Variants in GTF2E1 observed in about 807,000 individuals in gnomAD.
GTF2E1 encodes general transcription factor IIE subunit 1.
In GTF2E1, 14 loss-of-function variants were observed where a neutral mutation model predicts 34.9. That is an observed-to-expected ratio of 0.40 (90% CI 0.27 to 0.63). The LOEUF (loss-of-function observed/expected upper bound fraction) is 0.63, where lower values mean the gene tolerates loss of function less well. Ranked by LOEUF, GTF2E1 falls within the 20% of genes least tolerant of loss-of-function variation. The probability of loss-of-function intolerance (pLI) is 0.39; values close to 1 mark genes in which losing one functional copy is unlikely to be tolerated. For synonymous variants in GTF2E1, 188 were observed against 192.9 expected (o/e 0.97, Z 0.21); for missense variants, 469 against 557.7 (o/e 0.84, Z 1.60).
chr3:120,775,469 T>C (rs990073847), intron 3 of GTF2E1, among the ~76,000 whole-genome samples: 2 of 152,010 alleles, frequency 1.3e-5, no homozygotes, highest in Non-Finnish European at 2.9e-5. Context: ...TACGTAGAAG[T>C]TGAAGTGGAA....
rs1176251926 is a variant in GTF2E1, at chr3:120,750,596, A to G, written c.44A>G (p.Lys15Arg). 5 of 1,613,656 alleles carry G rather than the reference A, an allele frequency of 3.1e-6. No homozygotes were observed. The highest frequency in any genetic ancestry group is 3.4e-6 in the Non-Finnish European group (4 of 1,179,744). The change falls in exon 2 of 5, where the codon AAG (lysine) becomes AGG (arginine). Residue 15 changes from lysine (K) to arginine (R), a missense_variant. Coordinates refer to ENST00000283875, the MANE Select transcript of GTF2E1 (RefSeq NM_005513.3). ...DVLTEVPAAL[K>R]RLAKYVIRGF... ...CTCACTGAAGTTCCAGCAGCATTGA[A>G]GCGGTTAGCCAAGTATGTGATCCGG...
intron 1 of GTF2E1, among the ~76,000 whole-genome samples, chr3:120,747,574 G>A (rs531780626): frequency 6.6e-6 from 1 of 152,288 alleles, no homozygotes; most frequent in Admixed American, 6.5e-5. Context: ...CAAAGGACAT[G>A]AACTCATCCT....
chr3:120,747,280 G>T (rs1709114635), intron 1 of GTF2E1, among the ~76,000 whole-genome samples: 1 of 150,490 alleles, frequency 6.6e-6, no homozygotes, highest in African/African-American at 2.4e-5. Context: ...AAGTTTTAGG[G>T]TACATGTGCA....
At chr3:120,766,932 A>T (rs1350713844) in intron 2 of GTF2E1, among the ~76,000 whole-genome samples, 3 of 152,262 alleles carry the variant, frequency 2.0e-5, no homozygotes, top group African/African-American at 7.2e-5. Flanking sequence ...TACAATGCGT[A>T]GTGAAATGTA....
At chr3:120,762,787 A>G (rs915297054) in intron 2 of GTF2E1, among the ~76,000 whole-genome samples, 4 of 152,202 alleles carry the variant, frequency 2.6e-5, no homozygotes, top group Non-Finnish European at 5.9e-5. Flanking sequence ...GCCTTCTTTT[A>G]GCATGTGTAA....
intron 2 of GTF2E1, among the ~76,000 whole-genome samples, chr3:120,755,954 A>G (rs1450803854): frequency 2.0e-5 from 3 of 152,090 alleles, no homozygotes; most frequent in Admixed American, 2.0e-4. Context: ...ATTCTTTTTT[A>G]TGGCTGAATA....
rs1029892688 is a variant in GTF2E1 at position 120,760,015 on chromosome 3, T to C, written c.448+9015T>C. ...CTTGATGGGGATAACATTGAATCTA[T>C]AAATTACCTTGGACAGGATGGCCAT... On this transcript the variant is annotated intron_variant, in intron 2 of 4. Coordinates refer to ENST00000283875, the MANE Select transcript of GTF2E1 (RefSeq NM_005513.3). Among the ~76,000 whole-genome samples, 4 of 152,260 alleles carry C rather than the reference T, an allele frequency of 2.6e-5. No homozygotes were observed. In the South Asian group the frequency reaches 8.3e-4, roughly 31 times the overall value.
At chr3:120,743,364 A>C (rs1477785154) in intron 1 of GTF2E1, among the ~76,000 whole-genome samples, 3 of 152,196 alleles carry the variant, frequency 2.0e-5, no homozygotes, top group Non-Finnish European at 2.9e-5. Flanking sequence ...AAATTTAAGA[A>C]GAGAGTGCCC....
chr3:120,756,972 G>A (rs1363975825), intron 2 of GTF2E1, among the ~76,000 whole-genome samples: 2 of 151,812 alleles, frequency 1.3e-5, no homozygotes, highest in African/African-American at 2.4e-5. Flanking sequence ...TATCTTTTTT[G>A]TATTTTGATG....
At chr3:120,769,763 CTG>C (rs1709337750) in intron 2 of GTF2E1, among the ~76,000 whole-genome samples, 1 of 152,124 alleles carries the variant, frequency 6.6e-6, no homozygotes, top group Admixed American at 6.5e-5. Context: ...CACAGTCTAG[CTG>C]TGAGTGCTGA....
At chr3:120,776,325 T>C in intron 3 of GTF2E1, 98 bp from the exon 4 acceptor site, 1 of 1,008,094 alleles carries the variant, frequency 9.9e-7, no homozygotes, top group South Asian at 1.5e-5. Context: ...AGCATTTACA[T>C]GTAGTATTTC....
intron 1 of GTF2E1, 72 bp from the exon 2 acceptor site, chr3:120,750,451 C>A: frequency 1.2e-6 from 1 of 852,420 alleles, no homozygotes. Context: ...ACTTTTCTGG[C>A]ACTGCAAGGA....
chr3:120,751,643 G>A (rs1709165498), intron 2 of GTF2E1, among the ~76,000 whole-genome samples: 1 of 152,116 alleles, frequency 6.6e-6, no homozygotes, highest in Admixed American at 6.5e-5. Context: ...TGCATTATCT[G>A]AAAATACAAT....
chr3:120,781,233 A>G lies in GTF2E1; in HGVS notation c.1083A>G (p.Ser361=). 6.2e-7 allele frequency: 1 copy of G among 1,614,200 alleles called. No homozygotes were observed. The highest frequency in any genetic ancestry group is 8.5e-7 in the Non-Finnish European group (1 of 1,180,012). Residue 361 remains serine (S), a synonymous_variant, in exon 5 of 5, where the codon TCA becomes TCG. Coordinates refer to ENST00000283875, the MANE Select transcript of GTF2E1 (RefSeq NM_005513.3). ...ACTCAGAAAGCGAGACCAGTGAGTC[A>G]GATGATGATTCTCCACCCCGTCCGG... The part of the protein sequence containing the change: ...GSDSESETSE[S]DDDSPPRPAA...
intron 2 of GTF2E1, among the ~76,000 whole-genome samples, chr3:120,761,695 G>T (rs1356123488): frequency 1.6e-4 from 24 of 151,996 alleles, no homozygotes; most frequent in Non-Finnish European, 2.6e-4. Flanking sequence ...AGTCATTCAG[G>T]AGCAGGTTGT....
intron 1 of GTF2E1, among the ~76,000 whole-genome samples, chr3:120,747,099 T>C (rs1709112719): frequency 2.0e-5 from 3 of 151,032 alleles, no homozygotes; most frequent in South Asian, 2.1e-4. Context: ...TGTTGTTTTG[T>C]TTTTTTGTTT....
intron 2 of GTF2E1, among the ~76,000 whole-genome samples, chr3:120,769,195 CT>C (rs1709332224): frequency 6.9e-6 from 1 of 145,322 alleles, no homozygotes; most frequent in Non-Finnish European, 1.5e-5. Context: ...TATCTTTTAC[CT>C]AAAAAAAAAA....
At chr3:120,775,331 G>A (rs371679451) in intron 3 of GTF2E1, among the ~76,000 whole-genome samples, 47 of 152,234 alleles carry the variant, frequency 3.1e-4, no homozygotes, top group African/African-American at 1.1e-3. Flanking sequence ...AAGGAGAAAC[G>A]TGAGACCAGG....
intron 4 of GTF2E1, among the ~76,000 whole-genome samples, chr3:120,780,793 G>C (rs758840959): frequency 1.3e-5 from 2 of 152,180 alleles, no homozygotes; most frequent in Non-Finnish European, 2.9e-5. Flanking sequence ...AGATGCTTGT[G>C]TGTAGAAGAA....
Sources: gnomAD v4.1 joint callset for allele counts (sites outside exome capture counted in the v4.1 genomes callset) on GRCh38, gnomAD v4.1.1 for gene constraint, MANE v1.5 for transcripts, NCBI Gene and HGNC (gene_info 2026-07-23, HGNC 2026-07-21) for gene names.